Variants in BDNF observed in about 807,000 individuals in gnomAD.
The protein encoded by BDNF is neurotrophic factor BDNF precursor form.
A neutral mutation model predicts 19.5 loss-of-function variants in BDNF; 1 was observed. The observed-to-expected ratio is 0.05, with a 90% CI of 0.02 to 0.24. The LOEUF (loss-of-function observed/expected upper bound fraction) is 0.24. BDNF is among the 10% of genes least tolerant of loss of function. The pLI is 1.00. For missense variants in BDNF, 195 were observed against 317.6 expected (o/e 0.61, Z 2.93); for synonymous variants, 100 against 121.6 (o/e 0.82, Z 1.17).
At chr11:27,694,782 C>T (rs955864945) in intron 1 of BDNF, among the ~76,000 whole-genome samples, 4 of 151,924 alleles carry the variant, frequency 2.6e-5, no homozygotes, top group African/African-American at 9.7e-5. Context: ...GATCATAAAT[C>T]GAAAACATTC....
chr11:27,685,419 G>A (rs1348488383), intron 1 of BDNF, among the ~76,000 whole-genome samples: 1 of 152,078 alleles, frequency 6.6e-6, no homozygotes, highest in East Asian at 1.9e-4. Flanking sequence ...TCTGATCTTA[G>A]TTATTTCTTG....
intron 1 of BDNF, among the ~76,000 whole-genome samples, chr11:27,671,219 A>G (rs181902783): frequency 4.1e-4 from 62 of 152,194 alleles, no homozygotes; most frequent in Non-Finnish European, 7.4e-4. Flanking sequence ...TGACGAGTTA[A>G]TGGGTGCAGC....
At chr11:27,659,644 T>TGC (rs1460566438) in intron 1 of BDNF, 11 of 997,812 alleles carry the variant, frequency 1.1e-5, no homozygotes, top group Non-Finnish European at 1.3e-5. Flanking sequence ...TGTGTGTGTG[T>TGC]GTGTGCGCGC....
intron 1 of BDNF, among the ~76,000 whole-genome samples, chr11:27,692,965 C>A (rs1409672971): frequency 6.6e-6 from 1 of 152,148 alleles, no homozygotes; most frequent in Non-Finnish European, 1.5e-5. Context: ...CTTCTCAACC[C>A]AACATTCAAA....
chr11:27,705,241 A>G (rs1317029478), upstream of BDNF, among the ~76,000 whole-genome samples: 1 of 152,242 alleles, frequency 6.6e-6, no homozygotes, highest in East Asian at 1.9e-4. Flanking sequence ...GATTGTGGGC[A>G]TAAGTTAGAG....
At position 27,689,377 on chromosome 11, in the gene BDNF, G is replaced by A. The variant is rs534225035; in HGVS notation, c.-22+10787C>T. ...ATAATGTCTGCCAATCTTTTTTATA[G>A]AGTTATTTGTAGGATCAAATGGAAT... is the stretch of plus-strand genomic sequence containing the variant. On this transcript the variant is annotated intron_variant, in intron 1 of 1. Transcript: ENST00000356660. Among the ~76,000 whole-genome samples the A allele has an allele frequency of 7.2e-5, 11 of 152,296 alleles. No individual in the cohort carries two copies. In the South Asian group the frequency reaches 2.3e-3, roughly 32 times the overall value.
chr11:27,675,579 C>T (rs1241029486), intron 1 of BDNF: 2 of 152,094 alleles, frequency 1.3e-5, no homozygotes, highest in African/African-American at 4.8e-5. Flanking sequence ...CTTTTTAGCA[C>T]CCAACAGAAT....
At position 27,700,203 on chromosome 11, in the gene BDNF, A is replaced by G; in HGVS notation, c.-61T>C. On this transcript the variant is annotated 5_prime_UTR_variant, in exon 1 of 2. Transcript: ENST00000356660. ...AAACCTCACGGGTCCCCGGCGGCGG[A>G]GTCACATCGTGGTTCCGATTCTGGC... is the stretch of plus-strand genomic sequence containing the variant. 1.0e-6 allele frequency: 1 copy of G among 985,530 alleles called. No homozygotes were observed. Among genetic ancestry groups the G allele is most frequent in the Non-Finnish European group, 1.2e-6 (1 of 830,130 alleles). 61.0% of individuals were successfully genotyped at this position (985,530 alleles called of 1,614,324 possible).
At chr11:27,687,938 G>T (rs1401786579) in intron 1 of BDNF, among the ~76,000 whole-genome samples, 2 of 152,214 alleles carry the variant, frequency 1.3e-5, no homozygotes, top group African/African-American at 2.4e-5. Flanking sequence ...CAAGTGCTGT[G>T]CTGGGAGATC....
chr11:27,704,965 C>T (rs1179831094), upstream of BDNF, among the ~76,000 whole-genome samples: 2 of 152,106 alleles, frequency 1.3e-5, no homozygotes, highest in Non-Finnish European at 2.9e-5. Flanking sequence ...CAGCAAGAAA[C>T]TTTTAGAAGG....
intron 1 of BDNF, among the ~76,000 whole-genome samples, chr11:27,710,324 G>T (rs1860274486): frequency 6.6e-6 from 1 of 152,166 alleles, no homozygotes. Context: ...GTGCTCTCTA[G>T]GAGGAAGATG....
chr11:27,670,440 A>G (rs1164112795), intron 1 of BDNF, among the ~76,000 whole-genome samples: 1 of 152,240 alleles, frequency 6.6e-6, no homozygotes. Flanking sequence ...GCTTCTGCAC[A>G]GCAAAAGAAA....
chr11:27,693,895 T>G (rs948635693), intron 1 of BDNF, among the ~76,000 whole-genome samples: 7 of 152,160 alleles, frequency 4.6e-5, no homozygotes, highest in African/African-American at 1.7e-4. Flanking sequence ...TGGCAAAAAT[T>G]TTATTTAGTA....
chr11:27,682,105 G>T (rs1246397437), intron 1 of BDNF, among the ~76,000 whole-genome samples: 1 of 152,028 alleles, frequency 6.6e-6, no homozygotes, highest in Non-Finnish European at 1.5e-5. Flanking sequence ...TTCTAGCCAC[G>T]CTCTAATGCA....
rs1413749353 is a variant in BDNF, at chr11:27,655,558, C to G, written c.*2263G>C. The G allele has an allele frequency of 6.6e-6, 1 of 151,424 alleles. No homozygotes were observed. Among genetic ancestry groups the G allele is most frequent in the Non-Finnish European group, 1.5e-5 (1 of 67,814 alleles). The allele number at this position is 151,424 out of a possible 1,614,324, so 9.4% of individuals were successfully genotyped here. On this transcript the variant is annotated 3_prime_UTR_variant, in exon 2 of 2. Coordinates refer to ENST00000356660, the MANE Select transcript of BDNF (RefSeq NM_001709.5). ...TTACAAAGATAATATTTTCAAACAA[C>G]ACAAAACAAATCTACACTACGTAAA...
intron 1 of BDNF, among the ~76,000 whole-genome samples, chr11:27,721,253 G>T (rs994237073): frequency 1.3e-5 from 2 of 152,052 alleles, no homozygotes; most frequent in Non-Finnish European, 2.9e-5. Context: ...AATCTCAAAT[G>T]ATTCCAATTA....
At chr11:27,674,036 G>A (rs1172209848) in intron 1 of BDNF, 2 of 1,544,804 alleles carry the variant, frequency 1.3e-6, no homozygotes, top group Non-Finnish European at 1.8e-6. Context: ...AGCAAGAGAA[G>A]GCTATTAGCT....
At chr11:27,693,137 T>C (rs1858526180) in intron 1 of BDNF, among the ~76,000 whole-genome samples, 1 of 152,226 alleles carries the variant, frequency 6.6e-6, no homozygotes, top group Non-Finnish European at 1.5e-5. Context: ...AAACAACTTA[T>C]TTCATTTCCT....
chr11:27,713,961 T>G (rs564556714), intron 1 of BDNF, among the ~76,000 whole-genome samples: 1 of 152,340 alleles, frequency 6.6e-6, no homozygotes, highest in East Asian at 1.9e-4. Context: ...AAATTAATAC[T>G]TTGTAATACA....
Sources: gnomAD v4.1 joint callset for allele counts (sites outside exome capture counted in the v4.1 genomes callset) on GRCh38, gnomAD v4.1.1 for gene constraint, MANE v1.5 for transcripts, NCBI Gene and HGNC (gene_info 2026-07-23, HGNC 2026-07-21) for gene names.